The following TPRG1 variants were observed in gnomAD, a reference collection of about 807,000 sequenced individuals.
The protein encoded by TPRG1 is tumor protein p63-regulated gene 1 protein.
Under a neutral mutation model 29.3 loss-of-function variants are expected in TPRG1, and 29 were observed. The ratio of observed to expected loss-of-function variants is 0.99; its 90% CI spans 0.74 to 1.35. The LOEUF (loss-of-function observed/expected upper bound fraction) is 1.35, where lower values mean the gene tolerates loss of function less well. Ranked by LOEUF, TPRG1 falls within the 40% of genes most tolerant of loss-of-function variation. The probability of loss-of-function intolerance (pLI) is 0.00; values close to 1 mark genes in which losing one functional copy is unlikely to be tolerated. For missense variants in TPRG1, 327 were observed against 335.0 expected, an observed-to-expected ratio of 0.98 and a Z score of 0.19; for synonymous variants, 130 against 116.8, an observed-to-expected ratio of 1.11 and a Z score of -0.73.
chr3:189,208,695 A>G (rs1222975901), intron 2 of TPRG1, among the ~76,000 whole-genome samples: 1 of 152,154 alleles, frequency 6.6e-6, no homozygotes, highest in Non-Finnish European at 1.5e-5. Context: ...TGTAGAGCAT[A>G]TGGTTTGTTT....
At chr3:189,252,029 G>A (rs1302532687) in intron 4 of TPRG1, among the ~76,000 whole-genome samples, 1 of 152,174 alleles carries the variant, frequency 6.6e-6, no homozygotes, top group African/African-American at 2.4e-5. Flanking sequence ...CTAGGCAGAG[G>A]TCCCTGCGGC....
intron 4 of TPRG1, among the ~76,000 whole-genome samples, chr3:189,042,123 A>G (rs1042572539): frequency 6.6e-6 from 1 of 152,140 alleles, no homozygotes; most frequent in Admixed American, 6.5e-5. Flanking sequence ...GAAGCCCTAA[A>G]CATTGAACAA....
At chr3:189,109,715 A>T (rs995557811) in intron 1 of TPRG1, among the ~76,000 whole-genome samples, 3 of 152,158 alleles carry the variant, frequency 2.0e-5, no homozygotes, top group Non-Finnish European at 4.4e-5. Context: ...ATTTACAGAC[A>T]TTCCCTTTTA....
Position 189,054,150 on chromosome 3 carries a change from C to T in TPRG1, c.-463+30204C>T, listed in dbSNP as rs1715507979. 2.0e-5 allele frequency among the ~76,000 whole-genome samples: 3 copies of T among 151,970 alleles called. No homozygotes were observed. In the South Asian group the frequency reaches 6.2e-4, roughly 32 times the overall value. On this transcript the variant is annotated intron_variant, in intron 4 of 10. Transcript: ENST00000433971. The stretch of plus-strand genomic sequence containing the variant: ...ATGCAAATCTTCCTTTTACTTTAAC[C>T]CTTACAAGTCATTGTAGGATTATTT...
chr3:189,248,151 A>G (rs1352371173), intron 4 of TPRG1, among the ~76,000 whole-genome samples: 1 of 151,874 alleles, frequency 6.6e-6, no homozygotes, highest in African/African-American at 2.4e-5. Flanking sequence ...AGGAAGATAA[A>G]CACTACAACT....
intron 5 of TPRG1, among the ~76,000 whole-genome samples, chr3:189,312,186 T>TCC (rs1560689733): frequency 3.8e-5 from 1 of 26,354 alleles, no homozygotes; most frequent in African/African-American, 1.3e-4. Flanking sequence ...TCTTTCTTTT[T>TCC]TTCTTTCTTT....
intron 4 of TPRG1, among the ~76,000 whole-genome samples, chr3:189,044,543 A>C (rs1560411837): frequency 6.6e-6 from 1 of 150,548 alleles, no homozygotes; most frequent in Non-Finnish European, 1.5e-5. Flanking sequence ...TGATAAGAGC[A>C]AAACTCCGTC....
At chr3:189,084,367 A>G (rs573262692) in intron 4 of TPRG1, among the ~76,000 whole-genome samples, 1 of 152,272 alleles carries the variant, frequency 6.6e-6, no homozygotes, top group African/African-American at 2.4e-5. Flanking sequence ...TTTCTGCTCA[A>G]TATATATTCT....
chr3:189,079,233 G>C (rs111520383), intron 4 of TPRG1, among the ~76,000 whole-genome samples: 1,556 of 152,220 alleles, frequency 0.01, 21 homozygotes, highest in African/African-American at 0.034. Flanking sequence ...AAGTAGGGAG[G>C]CAAGCCATTC....
At chr3:189,029,100 G>T (rs1466812820) in intron 4 of TPRG1, among the ~76,000 whole-genome samples, 2 of 151,942 alleles carry the variant, frequency 1.3e-5, no homozygotes, top group African/African-American at 4.8e-5. Flanking sequence ...TTGGAAAGAG[G>T]TTCAATAAAA....
intron 5 of TPRG1, among the ~76,000 whole-genome samples, chr3:189,163,257 G>C (rs976737156): frequency 6.6e-6 from 1 of 152,162 alleles, no homozygotes; most frequent in Non-Finnish European, 1.5e-5. Context: ...TGGGCGACAA[G>C]AGAGAAACTC....
intron 4 of TPRG1, among the ~76,000 whole-genome samples, chr3:189,295,386 G>GTTCA (rs1483124830): frequency 6.7e-6 from 1 of 149,414 alleles, no homozygotes; most frequent in Non-Finnish European, 1.5e-5. Flanking sequence ...CTAAGTTAGA[G>GTTCA]TTCAGTATTT....
Position 189,015,103 on chromosome 3 carries a change from A to G in TPRG1, c.-659-8647A>G, listed in dbSNP as rs374006843. ...AAATGGTAATAGTGATATGGACAAGAAAGTCCAGGGCGAGGTGTTCTCAGG... is the reference window on the plus strand; with the variant it reads ...AAATGGTAATAGTGATATGGACAAGGAAGTCCAGGGCGAGGTGTTCTCAGG... On this transcript the variant is annotated intron_variant, in intron 3 of 10. Coordinates refer to the TPRG1 transcript ENST00000433971. Among the ~76,000 whole-genome samples, 4 of 152,160 alleles carry G rather than the reference A, an allele frequency of 2.6e-5. No homozygotes were observed. In the East Asian group the frequency reaches 5.8e-4, roughly 22 times the overall value.
At chr3:189,161,456 A>G (rs1727471266) in intron 5 of TPRG1, among the ~76,000 whole-genome samples, 1 of 116,752 alleles carries the variant, frequency 8.6e-6, no homozygotes, top group Non-Finnish European at 1.6e-5. Context: ...CTTAATAAGT[A>G]GTAGGTTCTT....
At chr3:189,236,895 G>T (rs921217853) in intron 3 of TPRG1, among the ~76,000 whole-genome samples, 1 of 152,184 alleles carries the variant, frequency 6.6e-6, no homozygotes, top group African/African-American at 2.4e-5. Flanking sequence ...CTGTGAAGTG[G>T]TACATAATTG....
At chr3:188,997,231 C>T (rs1013051000) in intron 1 of TPRG1, among the ~76,000 whole-genome samples, 3 of 152,058 alleles carry the variant, frequency 2.0e-5, no homozygotes, top group Admixed American at 2.0e-4. Context: ...CTCTCTCCCT[C>T]CTTCTATGCA....
chr3:189,166,534 G>C (rs1282986468), intron 5 of TPRG1, among the ~76,000 whole-genome samples: 1 of 152,198 alleles, frequency 6.6e-6, no homozygotes, highest in Non-Finnish European at 1.5e-5. Flanking sequence ...AGCACACCCA[G>C]GGAGTTAGTC....
chr3:188,998,005 C>A (rs186350742), intron 1 of TPRG1, among the ~76,000 whole-genome samples: 23 of 152,104 alleles, frequency 1.5e-4, no homozygotes, highest in African/African-American at 5.6e-4. Context: ...TTCATTCATT[C>A]ATTCCCTCCC....
At chr3:189,186,730 T>C (rs1267823498) in intron 1 of TPRG1, among the ~76,000 whole-genome samples, 1 of 149,598 alleles carries the variant, frequency 6.7e-6, no homozygotes, top group Non-Finnish European at 1.5e-5. Context: ...TGGGGGCAAG[T>C]AGTTCAGTAT....
Sources: gnomAD v4.1 joint callset for allele counts (sites outside exome capture counted in the v4.1 genomes callset) on GRCh38, gnomAD v4.1.1 for gene constraint, MANE v1.5 for transcripts, NCBI Gene and HGNC (gene_info 2026-07-23, HGNC 2026-07-21) for gene names.